CUX1: variants seen among roughly 807,000 people sequenced by gnomAD.
The protein encoded by CUX1 is protein CASP.
In CUX1, 31 loss-of-function variants were observed where a neutral mutation model predicts 158.8. The observed-to-expected ratio is 0.20, with a 90% CI of 0.15 to 0.26. CUX1 has a LOEUF of 0.26. Among genes scored for constraint, CUX1 ranks in the 10% least tolerant of loss-of-function variants. The pLI is 1.00. For missense variants in CUX1, 1,589 were observed against 2,014.6 expected (o/e 0.79, Z 4.04); for synonymous variants, 879 against 862.1 (o/e 1.02, Z -0.34).
chr7:102,133,417 T>C (rs1286251379), intron 8 of CUX1, among the ~76,000 whole-genome samples: 6 of 150,970 alleles, frequency 4.0e-5, no homozygotes, highest in Admixed American at 4.0e-4. Context: ...ATGTGGGGTC[T>C]ATAGAGAGAA....
At chr7:102,051,656 A>G (rs1823517188) in intron 3 of CUX1, among the ~76,000 whole-genome samples, 2 of 147,050 alleles carry the variant, frequency 1.4e-5, no homozygotes, top group South Asian at 4.2e-4. Context: ...CTCTGTCTCA[A>G]AAAAAAAAAA....
intron 5 of CUX1, among the ~76,000 whole-genome samples, chr7:102,103,205 G>A (rs1829968661): frequency 6.6e-6 from 1 of 152,088 alleles, no homozygotes. Flanking sequence ...CTTCCCCCAG[G>A]CTACGGCACC....
intron 2 of CUX1, among the ~76,000 whole-genome samples, chr7:101,957,060 G>A (rs1356796843): frequency 1.3e-5 from 2 of 152,158 alleles, no homozygotes; most frequent in African/African-American, 4.8e-5. Context: ...CCAATATAGA[G>A]GAACGGCTAA....
At chr7:102,196,525 C>CTTTTTTTT in intron 14 of CUX1, 109 bp from the exon 15 acceptor site, 1 of 1,109,878 alleles carries the variant, frequency 9.0e-7, no homozygotes, top group Non-Finnish European at 1.2e-6. Flanking sequence ...AAAACCTGCA[C>CTTTTTTTT]TTTTTTTTGT....
chr7:102,075,156 C>T (rs1043838427), intron 4 of CUX1, among the ~76,000 whole-genome samples: 6 of 152,176 alleles, frequency 3.9e-5, no homozygotes, highest in East Asian at 1.9e-4. Context: ...CCATGCCTGG[C>T]CTGTGTTCTG....
intron 1 of CUX1, among the ~76,000 whole-genome samples, chr7:101,910,950 T>A (rs1803364560): frequency 6.6e-6 from 1 of 152,246 alleles, no homozygotes; most frequent in Admixed American, 6.5e-5. Context: ...GTTAGGAGCT[T>A]TGCCCTTTGA....
chr7:101,952,211 C>T (rs1180299331), intron 2 of CUX1, among the ~76,000 whole-genome samples: 1 of 151,886 alleles, frequency 6.6e-6, no homozygotes, highest in Non-Finnish European at 1.5e-5. Flanking sequence ...AGCGAGACCC[C>T]GTCTCTACAA....
rs1586472854 is a variant in CUX1, at chr7:102,257,515, T to C, written c.*8473T>C. The C allele has an allele frequency of 2.0e-6, 2 of 985,106 alleles. No homozygotes were observed. The highest frequency in any genetic ancestry group is 1.1e-4 in the East Asian group (1 of 8,814). The allele number at this position is 985,106 out of a possible 1,614,324, so 61.0% of individuals were successfully genotyped here. On this transcript the variant is annotated 3_prime_UTR_variant, in exon 24 of 24. Transcript: ENST00000292535. ...GCTTGTTATAAAATAAAAGTGGGGG[T>C]AAAAAGAAGGTGGTTTTCCCCACAT...
At chr7:102,066,519 A>G (rs1405114240) in intron 3 of CUX1, among the ~76,000 whole-genome samples, 4 of 152,168 alleles carry the variant, frequency 2.6e-5, no homozygotes, top group Admixed American at 2.6e-4. Context: ...AGGAGGACAG[A>G]GTTCAGGATC....
At chr7:101,970,624 T>A (rs138166264) in intron 2 of CUX1, among the ~76,000 whole-genome samples, 54 of 152,238 alleles carry the variant, frequency 3.5e-4, no homozygotes, top group African/African-American at 1.2e-3. Context: ...GGTACGATCT[T>A]GGCTCACTGC....
intron 8 of CUX1, among the ~76,000 whole-genome samples, chr7:102,147,074 T>C (rs1204862571): frequency 1.3e-5 from 2 of 152,094 alleles, no homozygotes; most frequent in African/African-American, 2.4e-5. Context: ...CAGAAGGTTA[T>C]CTGTAGGGAT....
chr7:102,132,565 C>T (rs572533307), intron 8 of CUX1, among the ~76,000 whole-genome samples: 1 of 152,016 alleles, frequency 6.6e-6, no homozygotes, highest in African/African-American at 2.4e-5. Flanking sequence ...TTCGTCACTC[C>T]TTTGTGAGCC....
At chr7:102,007,733 T>TG (rs1022794530) in intron 2 of CUX1, among the ~76,000 whole-genome samples, 3 of 151,248 alleles carry the variant, frequency 2.0e-5, no homozygotes, top group African/African-American at 7.3e-5. Flanking sequence ...TCTGGTGTTT[T>TG]TTTTGTTTTG....
At chr7:102,053,563 A>G (rs1373728364) in intron 3 of CUX1, among the ~76,000 whole-genome samples, 2 of 152,080 alleles carry the variant, frequency 1.3e-5, no homozygotes, top group Non-Finnish European at 2.9e-5. Context: ...TTTGGTACCC[A>G]TTAACCATAC....
chr7:102,050,078 G>A lies in CUX1; in HGVS notation c.190-20261G>A, dbSNP rs1354005031. 3.3e-5 allele frequency among the ~76,000 whole-genome samples: 5 copies of A among 152,204 alleles called. 1 individual carries two copies. The highest frequency in any genetic ancestry group is 1.3e-4 in the Admixed American group (2 of 15,282). ...TAGACACTGCTTCCCTTTTCACACCGTCTCCTGAATTTTCTCCTGGGTTCC... is the reference window on the plus strand; with the variant it reads ...TAGACACTGCTTCCCTTTTCACACCATCTCCTGAATTTTCTCCTGGGTTCC... On this transcript the variant is annotated intron_variant, in intron 3 of 23. Coordinates refer to ENST00000292535, the MANE Select transcript of CUX1 (RefSeq NM_181552.4).
At chr7:101,863,041 C>T (rs750348482) in intron 1 of CUX1, among the ~76,000 whole-genome samples, 46 of 151,994 alleles carry the variant, frequency 3.0e-4, no homozygotes, top group Admixed American at 1.4e-3. Context: ...ACTTTCTCAT[C>T]GCTCACCCGA....
At chr7:102,007,182 C>T (rs1346658862) in intron 2 of CUX1, among the ~76,000 whole-genome samples, 1 of 152,164 alleles carries the variant, frequency 6.6e-6, no homozygotes, top group Non-Finnish European at 1.5e-5. Context: ...CGCTCTGTAG[C>T]GCAGGCTGGA....
chr7:102,142,226 G>A (rs928828159), intron 8 of CUX1, among the ~76,000 whole-genome samples: 4 of 152,166 alleles, frequency 2.6e-5, no homozygotes, highest in Non-Finnish European at 5.9e-5. Context: ...ATGATTTGGC[G>A]CATTCTTGGG....
At chr7:101,885,704 C>T (rs193274428) in intron 1 of CUX1, among the ~76,000 whole-genome samples, 2 of 152,334 alleles carry the variant, frequency 1.3e-5, no homozygotes, top group East Asian at 3.9e-4. Context: ...GGCATGGCCT[C>T]GGACGACTTC....
Sources: gnomAD v4.1 joint callset for allele counts (sites outside exome capture counted in the v4.1 genomes callset) on GRCh38, gnomAD v4.1.1 for gene constraint, MANE v1.5 for transcripts, NCBI Gene and HGNC (gene_info 2026-07-23, HGNC 2026-07-21) for gene names.